DRC11: variants seen among roughly 807,000 people sequenced by gnomAD.
The protein encoded by DRC11 is dynein regulatory complex subunit 11, also known as IQ and AAA domain-containing protein 1.
At chr2:236,348,971 C>T in the DRC11 span, among the ~76,000 whole-genome samples, 4 of 152,080 alleles carry the variant, frequency 2.6e-5, no homozygotes, top group Non-Finnish European at 5.9e-5. The surrounding 1 kb of genome is among the most constrained non-coding windows in gnomAD (Gnocchi z 7.4). Flanking sequence ...TGGTGCCTGC[C>T]TACTGAAGCC....
At chr2:236,380,696 A>G in the DRC11 span, 4 of 1,259,322 alleles carry the variant, frequency 3.2e-6, no homozygotes, top group African/African-American at 4.4e-5. The surrounding 1 kb of genome is among the most constrained non-coding windows in gnomAD (Gnocchi z 4.9). Context: ...AATAAGTCCT[A>G]GAAATTAGCT....
chr2:236,399,059 G>A, the DRC11 span, among the ~76,000 whole-genome samples: 2 of 151,462 alleles, frequency 1.3e-5, no homozygotes, highest in Non-Finnish European at 2.9e-5. The surrounding 1 kb of genome is among the most constrained non-coding windows in gnomAD (Gnocchi z 7.0). Context: ...GCGTGATATC[G>A]GCTCACTGCA....
chr2:236,348,588 C>A, the DRC11 span, among the ~76,000 whole-genome samples: 1 of 152,034 alleles, frequency 6.6e-6, no homozygotes, highest in Non-Finnish European at 1.5e-5. The surrounding 1 kb of genome is among the most constrained non-coding windows in gnomAD (Gnocchi z 7.4). Flanking sequence ...AGAGGGAAGC[C>A]TCTTTCTTCC....
the DRC11 span, among the ~76,000 whole-genome samples, chr2:236,497,781 TA>T: frequency 3.3e-5 from 5 of 152,232 alleles, no homozygotes; most frequent in African/African-American, 7.2e-5. The surrounding 1 kb of genome is among the most constrained non-coding windows in gnomAD (Gnocchi z 5.1). Flanking sequence ...TATACCCATT[TA>T]AAAGATGACA....
At chr2:236,485,584 T>C in the DRC11 span, among the ~76,000 whole-genome samples, 1 of 152,190 alleles carries the variant, frequency 6.6e-6, no homozygotes, top group Non-Finnish European at 1.5e-5. Context: ...AAAGCCCCAC[T>C]AGGACTGACT....
the DRC11 span, among the ~76,000 whole-genome samples, chr2:236,471,458 AC>A: frequency 5.8e-4 from 89 of 152,326 alleles, no homozygotes; most frequent in African/African-American, 2.0e-3. This position sits in a 1 kb window ranked among gnomAD's most constrained non-coding sequence, Gnocchi z 4.6. Context: ...TGTAACGTTA[AC>A]TTTTTTGATA....
At chr2:236,436,293 C>A in the DRC11 span, among the ~76,000 whole-genome samples, 1 of 151,906 alleles carries the variant, frequency 6.6e-6, no homozygotes, top group Non-Finnish European at 1.5e-5. Flanking sequence ...AAATGTTTTT[C>A]CTCAGTTATC....
At chr2:236,366,177 G>A in the DRC11 span, among the ~76,000 whole-genome samples, 1 of 152,258 alleles carries the variant, frequency 6.6e-6, no homozygotes, top group African/African-American at 2.4e-5. Context: ...GAGGGTGGGT[G>A]GATGCTGACC....
chr2:236,372,146 C>T, the DRC11 span, among the ~76,000 whole-genome samples: 1 of 152,108 alleles, frequency 6.6e-6, no homozygotes, highest in African/African-American at 2.4e-5. The surrounding 1 kb of genome is among the most constrained non-coding windows in gnomAD (Gnocchi z 4.5). Context: ...CGAAATATCT[C>T]GTTTTTATTA....
chr2:236,497,231 T>C, the DRC11 span: 4 of 1,613,530 alleles, frequency 2.5e-6, no homozygotes, highest in Non-Finnish European at 2.5e-6. This position sits in a 1 kb window ranked among gnomAD's most constrained non-coding sequence, Gnocchi z 5.1. Context: ...AGCTCCACCA[T>C]CTCGTTCTTC....
the DRC11 span, among the ~76,000 whole-genome samples, chr2:236,384,484 T>C: frequency 7.2e-5 from 11 of 152,124 alleles, no homozygotes; most frequent in African/African-American, 2.7e-4. Context: ...TGTCTGTTCA[T>C]GTCCTTCACC....
the DRC11 span, among the ~76,000 whole-genome samples, chr2:236,403,394 C>A: frequency 4.0e-5 from 6 of 151,708 alleles, 1 homozygote; most frequent in Non-Finnish European, 7.4e-5. Context: ...GAGGATGGCT[C>A]TTGAAAGGAC....
At chr2:236,425,396 T>C in the DRC11 span, among the ~76,000 whole-genome samples, 1 of 151,990 alleles carries the variant, frequency 6.6e-6, no homozygotes, top group African/African-American at 2.4e-5. Context: ...CGTATGTCTG[T>C]TGCGTTCAGC....
the DRC11 span, among the ~76,000 whole-genome samples, chr2:236,452,057 T>A: frequency 6.6e-6 from 1 of 152,220 alleles, no homozygotes; most frequent in Non-Finnish European, 1.5e-5. This position sits in a 1 kb window ranked among gnomAD's most constrained non-coding sequence, Gnocchi z 4.7. Context: ...AATGTTACTT[T>A]CTTAATAGAA....
the DRC11 span, among the ~76,000 whole-genome samples, chr2:236,413,677 G>C: frequency 1.3e-5 from 2 of 152,132 alleles, no homozygotes; most frequent in Admixed American, 1.3e-4. This position sits in a 1 kb window ranked among gnomAD's most constrained non-coding sequence, Gnocchi z 4.0. Flanking sequence ...AAGGTCCAAG[G>C]GTCTTTCCAG....
chr2:236,318,166 G>T, the DRC11 span, among the ~76,000 whole-genome samples: 1 of 151,560 alleles, frequency 6.6e-6, no homozygotes, highest in African/African-American at 2.4e-5. The surrounding 1 kb of genome is among the most constrained non-coding windows in gnomAD (Gnocchi z 7.0). Context: ...CTGGGAGCTG[G>T]GTGTCTGCGT....
chr2:236,423,354 A>G, the DRC11 span, among the ~76,000 whole-genome samples: 1 of 152,140 alleles, frequency 6.6e-6, no homozygotes, highest in Non-Finnish European at 1.5e-5. Context: ...CAAATTTACA[A>G]GAAAAAAAAA....
chr2:236,454,702 A>G, the DRC11 span: 1 of 152,202 alleles, frequency 6.6e-6, no homozygotes, highest in African/African-American at 2.4e-5. This position sits in a 1 kb window ranked among gnomAD's most constrained non-coding sequence, Gnocchi z 5.3. Flanking sequence ...CTCAGAAGAT[A>G]TCTATTGTGA....
At chr2:236,357,177 A>ATGTATTCATATATATCTGTATAT in the DRC11 span, among the ~76,000 whole-genome samples, 1 of 89,596 alleles carries the variant, frequency 1.1e-5, no homozygotes, top group Admixed American at 1.4e-4. Flanking sequence ...TCTATATATT[A>ATGTATTCATATATATCTGTATAT]TATATATTCA....
Sources: gnomAD v4.1 joint callset for allele counts (sites outside exome capture counted in the v4.1 genomes callset) on GRCh38, gnomAD v4.1.1 for gene constraint, Gnocchi (gnomAD v3.1) non-coding constraint, MANE v1.5 for transcripts, NCBI Gene and HGNC (gene_info 2026-07-23, HGNC 2026-07-21) for gene names.